LIMCH1: variants seen among roughly 807,000 people sequenced by gnomAD.
LIMCH1 encodes LIM and calponin homology domains-containing protein 1.
Under a neutral mutation model 176.5 loss-of-function variants are expected in LIMCH1, and 113 were observed. The observed-to-expected ratio is 0.64, with a 90% CI of 0.55 to 0.75. LIMCH1 has a LOEUF of 0.75. Ranked by LOEUF, LIMCH1 falls within the 30% of genes least tolerant of loss-of-function variation. LIMCH1 has a pLI of 0.00. For missense variants in LIMCH1, 1,674 were observed against 1,814.9 expected (o/e 0.92, Z 1.41); for synonymous variants, 619 against 645.9 (o/e 0.96, Z 0.63).
intron 1 of LIMCH1, among the ~76,000 whole-genome samples, chr4:41,454,656 G>C (rs908394284): frequency 6.6e-6 from 1 of 152,102 alleles, no homozygotes; most frequent in African/African-American, 2.4e-5. Flanking sequence ...GTATCTAGTG[G>C]CAGTGCACAT....
At chr4:41,462,242 A>G (rs926516320) in intron 1 of LIMCH1, among the ~76,000 whole-genome samples, 3 of 152,120 alleles carry the variant, frequency 2.0e-5, no homozygotes, top group Non-Finnish European at 4.4e-5. Context: ...GTTCTTTTCA[A>G]GTTGTTTGTG....
chr4:41,527,755 G>A (rs932485229), intron 3 of LIMCH1, among the ~76,000 whole-genome samples: 2 of 150,718 alleles, frequency 1.3e-5, no homozygotes, highest in African/African-American at 4.9e-5. Flanking sequence ...CCCGGGAGGC[G>A]GAGCTTGCAG....
chr4:41,442,038 C>T (rs967726407), intron 1 of LIMCH1, among the ~76,000 whole-genome samples: 2 of 152,222 alleles, frequency 1.3e-5, no homozygotes, highest in Non-Finnish European at 2.9e-5. Context: ...TTAAAATAGC[C>T]TGGGTGTGGT....
chr4:41,527,726 G>A (rs1472634012), intron 3 of LIMCH1, among the ~76,000 whole-genome samples: 1 of 151,676 alleles, frequency 6.6e-6, no homozygotes, highest in Non-Finnish European at 1.5e-5. Context: ...AGGAGGCTGA[G>A]GCAGGAGAAT....
chr4:41,505,629 G>A (rs912292672), intron 2 of LIMCH1, among the ~76,000 whole-genome samples: 4 of 152,134 alleles, frequency 2.6e-5, no homozygotes, highest in African/African-American at 9.7e-5. Context: ...TCTAGGCAGT[G>A]TTAATAGGTT....
chr4:41,481,101 A>G (rs1339616655), intron 1 of LIMCH1, among the ~76,000 whole-genome samples: 1 of 152,156 alleles, frequency 6.6e-6, no homozygotes, highest in East Asian at 1.9e-4. Context: ...ATGAAAATAT[A>G]AATGGATTCT....
chr4:41,542,862 T>G (rs985796161), intron 1 of LIMCH1, among the ~76,000 whole-genome samples: 2 of 152,110 alleles, frequency 1.3e-5, no homozygotes, highest in Non-Finnish European at 2.9e-5. Context: ...TCAACGCCAA[T>G]AAATTGAAAA....
intron 2 of LIMCH1, among the ~76,000 whole-genome samples, chr4:41,501,228 T>G (rs1430598226): frequency 6.6e-6 from 1 of 152,242 alleles, no homozygotes; most frequent in African/African-American, 2.4e-5. Context: ...AAAGATTATT[T>G]CTTTGAAAGC....
chr4:41,563,810 T>A (rs547286765), intron 1 of LIMCH1, among the ~76,000 whole-genome samples: 1 of 152,182 alleles, frequency 6.6e-6, no homozygotes, highest in African/African-American at 2.4e-5. Flanking sequence ...CTAATATATC[T>A]CTATTAGAGA....
At chr4:41,580,100 T>G (rs1170550765) in intron 1 of LIMCH1, among the ~76,000 whole-genome samples, 2 of 152,140 alleles carry the variant, frequency 1.3e-5, no homozygotes, top group Non-Finnish European at 2.9e-5. Context: ...GAGACAGGAT[T>G]TTAAAATTCC....
intron 3 of LIMCH1, among the ~76,000 whole-genome samples, chr4:41,527,639 C>T (rs115426322): frequency 0.019 from 2,881 of 151,976 alleles, 94 homozygotes; most frequent in African/African-American, 0.065. Flanking sequence ...ATTGCGACCA[C>T]GGTAAAACTC....
At chr4:41,399,700 T>TTTTTTTTA in intron 1 of LIMCH1, among the ~76,000 whole-genome samples, 5 of 147,418 alleles carry the variant, frequency 3.4e-5, no homozygotes, top group South Asian at 2.3e-4. Context: ...TTTTTTTTTT[T>TTTTTTTTA]GAGATGGAGT....
chr4:41,457,702 C>G (rs149630943), intron 1 of LIMCH1, among the ~76,000 whole-genome samples: 1 of 152,164 alleles, frequency 6.6e-6, no homozygotes, highest in Non-Finnish European at 1.5e-5. Context: ...AGACTTTGGA[C>G]AAAGCCATGG....
At chr4:41,474,491 A>G (rs1290544586) in intron 1 of LIMCH1, among the ~76,000 whole-genome samples, 1 of 152,210 alleles carries the variant, frequency 6.6e-6, no homozygotes, top group Non-Finnish European at 1.5e-5. Context: ...TGTGTCTCAA[A>G]ATAAAAATAA....
intron 29 of LIMCH1, chr4:41,689,054 G>A (rs938471037): frequency 1.9e-5 from 3 of 156,086 alleles, no homozygotes; most frequent in Middle Eastern, 3.4e-3. Context: ...TGTATCACAG[G>A]TGATTATTTC....
chr4:41,563,285 G>A (rs1227700677), intron 1 of LIMCH1, among the ~76,000 whole-genome samples: 1 of 152,072 alleles, frequency 6.6e-6, no homozygotes, highest in Non-Finnish European at 1.5e-5. Context: ...GATATATATG[G>A]GGGCCTGCAG....
chr4:41,397,174 C>T (rs1293125756), intron 1 of LIMCH1, among the ~76,000 whole-genome samples: 3 of 152,164 alleles, frequency 2.0e-5, no homozygotes, highest in Non-Finnish European at 4.4e-5. Flanking sequence ...AAGAAAGACA[C>T]GGAGAGAAGG....
At chr4:41,435,407 G>GGACATTAAATTT (rs2061983929) in intron 1 of LIMCH1, among the ~76,000 whole-genome samples, 1 of 152,218 alleles carries the variant, frequency 6.6e-6, no homozygotes, top group South Asian at 2.1e-4. Context: ...AGGCAGCCCT[G>GGACATTAAATTT]CCAACATCTG....
chr4:41,642,714 A>T (rs1223121170), intron 14 of LIMCH1, among the ~76,000 whole-genome samples: 1 of 106,392 alleles, frequency 9.4e-6, no homozygotes, highest in African/African-American at 3.7e-5. Flanking sequence ...GTGTGCTAGC[A>T]TGCCTAATTT....
Sources: gnomAD v4.1 joint callset for allele counts (sites outside exome capture counted in the v4.1 genomes callset) on GRCh38, gnomAD v4.1.1 for gene constraint, MANE v1.5 for transcripts, NCBI Gene and HGNC (gene_info 2026-07-23, HGNC 2026-07-21) for gene names.